The following TBX10 variants were observed in gnomAD, a reference collection of about 807,000 sequenced individuals.
The protein encoded by TBX10 is T-box transcription factor TBX10.
A neutral mutation model predicts 32.4 loss-of-function variants in TBX10; 26 were observed. The observed-to-expected ratio is 0.80, with a 90% CI of 0.59 to 1.11. The LOEUF is 1.11. Among genes scored for constraint, TBX10 ranks in the 50% most tolerant of loss-of-function variants. The pLI is 0.00. For synonymous variants in TBX10, 195 were observed against 203.1 expected, an observed-to-expected ratio of 0.96 and a Z score of 0.34; for missense variants, 490 against 494.5, an observed-to-expected ratio of 0.99 and a Z score of 0.09.
chr11:67,639,062 C>T (rs997962066), intron 1 of TBX10, among the ~76,000 whole-genome samples: 3 of 152,178 alleles, frequency 2.0e-5, no homozygotes, highest in Non-Finnish European at 4.4e-5. Flanking sequence ...GGGAGCCTGT[C>T]CTTTGCTCAG....
chr11:67,638,766 C>T (rs1274613055), intron 1 of TBX10, among the ~76,000 whole-genome samples: 1 of 152,156 alleles, frequency 6.6e-6, no homozygotes, highest in African/African-American at 2.4e-5. Flanking sequence ...GTTTGAGGAC[C>T]CTGGGCAGGA....
intron 4 of TBX10, among the ~76,000 whole-genome samples, chr11:67,633,587 A>G (rs181542680): frequency 3.2e-4 from 48 of 152,100 alleles, no homozygotes; most frequent in African/African-American, 1.2e-3. Context: ...CTCCGGCCCC[A>G]TGGATGCGTC....
chr11:67,634,336 C>T lies in TBX10; in HGVS notation c.402G>A (p.Trp134Ter). The change falls in exon 4 of 8, where the codon TGG becomes TGA. Residue 134 changes from tryptophan (W) to a stop codon, truncating the protein, a stop_gained. Coordinates refer to ENST00000335385, the MANE Select transcript of TBX10 (RefSeq NM_005995.5). LOFTEE classifies it high-confidence loss of function. ...CTGGGTCTGCCTTGCCCGCCACCAG[C>T]CAGGCCGAGCTGTGGAAGGCATACC... ...RYRYAFHSSA[W>*]LVAGKADPAT... 7 of 1,605,262 alleles carry T rather than the reference C, an allele frequency of 4.4e-6. No homozygotes were observed. The highest frequency in any genetic ancestry group is 3.3e-5 in the South Asian group (3 of 91,082).
intron 3 of TBX10, 63 bp from the exon 4 acceptor site, chr11:67,634,423 C>G: frequency 6.3e-7 from 1 of 1,582,160 alleles, no homozygotes; most frequent in South Asian, 1.1e-5. Context: ...ACAATACAGG[C>G]GGGGTGAAGG....
rs1409901029 is a variant in TBX10 at position 67,639,486 on chromosome 11, C to G, written c.-14G>C. ...CCTACCTGCCATGGAGACAGAGAGG[C>G]TGTCCGGCTCCTGGAGAAACACTGC... On this transcript the variant is annotated 5_prime_UTR_variant, in exon 1 of 8. Transcript: ENST00000335385. 1 of 1,579,118 alleles carries G rather than the reference C, an allele frequency of 6.3e-7. No individual in the cohort carries two copies. The highest frequency in any genetic ancestry group is 1.1e-5 in the South Asian group (1 of 90,498).
chr11:67,634,706 C>T, intron 3 of TBX10, 110 bp downstream of exon 3: 2 of 1,247,474 alleles, frequency 1.6e-6, no homozygotes, highest in Non-Finnish European at 2.3e-6. Flanking sequence ...GGCTGGACCT[C>T]CCTGGCATTG....
chr11:67,638,368 C>G (rs1031086139), intron 1 of TBX10, among the ~76,000 whole-genome samples: 1 of 152,164 alleles, frequency 6.6e-6, no homozygotes, highest in African/African-American at 2.4e-5. Context: ...GGCTGAGAAG[C>G]TGGAAGGGCC....
intron 1 of TBX10, among the ~76,000 whole-genome samples, chr11:67,636,772 A>G (rs1468597168): frequency 6.6e-6 from 1 of 152,234 alleles, no homozygotes; most frequent in Non-Finnish European, 1.5e-5. Context: ...TGCTGGGGTT[A>G]CAGGCGTGAG....
At chr11:67,641,701 A>G (rs1855408774), upstream of TBX10, among the ~76,000 whole-genome samples, 1 of 152,232 alleles carries the variant, frequency 6.6e-6, no homozygotes, top group African/African-American at 2.4e-5. Flanking sequence ...ATGTCCAACA[A>G]GAGTCCATTA....
chr11:67,635,374 G>A, intron 1 of TBX10, 111 bp from the exon 2 acceptor site: 1 of 1,483,928 alleles, frequency 6.7e-7, no homozygotes, highest in Non-Finnish European at 9.2e-7. Flanking sequence ...GACTGCCAGG[G>A]CTGTGTTCTC....
At chr11:67,641,416 C>T (rs552691961), upstream of TBX10, among the ~76,000 whole-genome samples, 8 of 152,340 alleles carry the variant, frequency 5.3e-5, no homozygotes, top group South Asian at 8.3e-4. Flanking sequence ...ACACAGCACG[C>T]GCACAGACAC....
At chr11:67,637,117 C>G (rs2134101626) in intron 1 of TBX10, among the ~76,000 whole-genome samples, 1 of 152,240 alleles carries the variant, frequency 6.6e-6, no homozygotes, top group Middle Eastern at 3.4e-3. Flanking sequence ...TACTCATAGG[C>G]CGTACGTGGT....
chr11:67,638,977 A>G (rs1157584524), intron 1 of TBX10, among the ~76,000 whole-genome samples: 1 of 152,134 alleles, frequency 6.6e-6, no homozygotes, highest in African/African-American at 2.4e-5. Context: ...CTGGCTCCCA[A>G]GTCCTCTAGG....
At chr11:67,639,407 C>G in intron 1 of TBX10, 59 bp downstream of exon 1, 1 of 1,434,624 alleles carries the variant, frequency 7.0e-7, no homozygotes, top group Non-Finnish European at 9.8e-7. Flanking sequence ...ACCCTGCCCA[C>G]CCACCCTGGA....
rs578249236 is a variant in TBX10, at chr11:67,639,654, G to C, written c.-182C>G. The C allele has an allele frequency of 2.1e-5, 16 of 772,354 alleles. No individual in the cohort carries two copies. The highest frequency in any genetic ancestry group is 1.5e-5 in the Non-Finnish European group (7 of 459,416). The allele number at this position is 772,354 out of a possible 1,614,324, so 47.8% of individuals were successfully genotyped here. On this transcript the variant is annotated 5_prime_UTR_variant, in exon 1 of 8. Coordinates refer to ENST00000335385, the MANE Select transcript of TBX10 (RefSeq NM_005995.5). ...GCCTCCTCGATCGCCCTTCGTCCAC[G>C]TCCTGAGGTCGTGGTCTTCCTACTC...
At position 67,634,203 on chromosome 11, in the gene TBX10, C is replaced by G; in HGVS notation, c.535G>C (p.Asp179His). The change falls in exon 4 of 8, where the codon GAT (aspartate) becomes CAT (histidine). Residue 179 changes from aspartate (D) to histidine (H), a missense_variant. By Grantham distance (81) the Asp-to-His change is moderately conservative. Transcript: ENST00000335385. ...DKLKLTNNLL[D>H]DNGHIILNSM... is the part of the protein sequence containing the mutation. The stretch of plus-strand genomic sequence containing the variant: ...CCCGGCCTCACGTGGCCATTGTCAT[C>G]CAGCAGGTTGTTGGTCAGCTTGAGC... 6.2e-7 allele frequency: 1 copy of G among 1,613,132 alleles called. No homozygotes were observed. Among genetic ancestry groups the G allele is most frequent in the Non-Finnish European group, 8.5e-7 (1 of 1,179,978 alleles).
chr11:67,639,553 C>T lies in TBX10; in HGVS notation c.-81G>A. 6.3e-7 allele frequency: 1 copy of T among 1,575,348 alleles called. No homozygotes were observed. Among genetic ancestry groups the T allele is most frequent in the South Asian group, 1.1e-5 (1 of 88,642 alleles). On this transcript the variant is annotated 5_prime_UTR_variant, in exon 1 of 8. In the 5' UTR this introduces an upstream ATG that the reference lacks. Transcript: ENST00000335385. ...ACCTGCCTGCTGGAAGGGGTGGTCA[C>T]CACTCGTCCACTCGGCACCTCAGCT...
upstream of TBX10, among the ~76,000 whole-genome samples, chr11:67,641,284 C>A (rs1172132004): frequency 6.6e-6 from 1 of 152,012 alleles, no homozygotes; most frequent in East Asian, 1.9e-4. Flanking sequence ...CCCCCTCCCA[C>A]ACACACACAC....
Position 67,632,391 on chromosome 11 carries a change from C to G in TBX10, c.795G>C (p.Leu265=). The change falls in exon 7 of 8, where the codon CTG becomes CTC. Residue 265 remains leucine (L), a synonymous_variant. Coordinates refer to ENST00000335385, the MANE Select transcript of TBX10 (RefSeq NM_005995.5). ...LDSWPVAPRP[L]LSVPARSHSS... Reference sequence around the variant, plus strand: ...TGTGACTCCGGGCTGGGACACTGAGCAGGGGCCGTGGGGCCACAGGCCTGA... The same window carrying G: ...TGTGACTCCGGGCTGGGACACTGAGGAGGGGCCGTGGGGCCACAGGCCTGA... The G allele has an allele frequency of 3.7e-6, 6 of 1,612,906 alleles. No homozygotes were observed. The highest frequency in any genetic ancestry group is 5.1e-6 in the Non-Finnish European group (6 of 1,180,000).
Sources: allele counts gnomAD v4.1 joint callset (sites outside exome capture counted in the v4.1 genomes callset), GRCh38; gene constraint gnomAD v4.1.1; transcripts MANE v1.5; gene names NCBI Gene and HGNC (gene_info 2026-07-23, HGNC 2026-07-21).